The following TNS1 variants were observed in gnomAD, a reference collection of about 807,000 sequenced individuals.
TNS1 encodes the protein tensin 1, also known as tensin-1.
In TNS1, 62 loss-of-function variants were observed where a neutral mutation model predicts 168.6. The observed-to-expected ratio is 0.37, with a 90% CI of 0.30 to 0.45. The LOEUF (loss-of-function observed/expected upper bound fraction) is 0.45, where lower values mean the gene tolerates loss of function less well. Among genes scored for constraint, TNS1 ranks in the 20% least tolerant of loss-of-function variants. The pLI, the probability that TNS1 is intolerant of heterozygous loss-of-function variation, is 1.00. For synonymous variants in TNS1, 934 were observed against 933.2 expected, an observed-to-expected ratio of 1.00 and a Z score of -0.02; for missense variants, 2,240 against 2,339.4, an observed-to-expected ratio of 0.96 and a Z score of 0.88.
At position 217,813,724 on chromosome 2, in the gene TNS1, A is replaced by G. The variant is rs372210857; in HGVS notation, c.4822T>C (p.Ser1608Pro). Residue 1608 changes from serine to proline, a missense_variant, in exon 26 of 33, where the codon TCT becomes CCT. Physicochemically the swap from Ser to Pro is moderately conservative, Grantham distance 74. Coordinates refer to ENST00000682258, the MANE Select transcript of TNS1 (RefSeq NM_001387777.1). The surrounding 1 kb of genome is among the most constrained non-coding windows in gnomAD (Gnocchi z 4.0). ...TGCATGATGGTTGGAGGTGGCGAAG[A>G]CACCTTCATGGCCAGCCCGTACGCG... ...RGAYGLAMKV[S>P]SPPPTIMQQN... 111 of 1,613,406 alleles carry G rather than the reference A, an allele frequency of 6.9e-5. No individual in the cohort carries two copies. Among genetic ancestry groups the G allele is most frequent in the Non-Finnish European group, 1.4e-5 (17 of 1,179,692 alleles).
intron 19 of TNS1, among the ~76,000 whole-genome samples, chr2:217,845,153 G>A (rs1027054714): frequency 6.6e-6 from 1 of 152,224 alleles, no homozygotes; most frequent in Non-Finnish European, 1.5e-5. Flanking sequence ...CCAGGGACTT[G>A]AGACTGAGGT....
rs1293160895 is a variant in TNS1 at position 217,897,911 on chromosome 2, T to C, written c.430A>G (p.Thr144Ala). Residue 144 changes from threonine to alanine, a missense_variant, in exon 8 of 33, where the codon ACA (threonine) becomes GCA (alanine). Coordinates refer to ENST00000682258, the MANE Select transcript of TNS1 (RefSeq NM_001387777.1). ...DSCELDLVYV[T>A]ERIIAVSFPS... is the part of the protein sequence containing the mutation. ...AAGGAGACAGCGATGATCCTCTCTG[T>C]GACGTACACCAGGTCCAGCTCACAG... 1.2e-6 allele frequency: 2 copies of C among 1,613,434 alleles called. No individual in the cohort carries two copies. The highest frequency in any genetic ancestry group is 1.7e-5 in the Admixed American group (1 of 59,954).
chr2:218,031,054 A>G (rs60235262), intron 1 of TNS1, among the ~76,000 whole-genome samples: 82,985 of 149,682 alleles, frequency 0.55, 24,839 homozygotes, highest in African/African-American at 0.78. Flanking sequence ...GCATGTGAGC[A>G]TATGTGTGAG....
At chr2:217,847,096 T>C (rs1946753660) in intron 19 of TNS1, among the ~76,000 whole-genome samples, 2 of 152,196 alleles carry the variant, frequency 1.3e-5, no homozygotes, top group South Asian at 2.1e-4. Context: ...GTCTCCTCTG[T>C]GTCTAGAAAG....
rs543506075 is a variant in TNS1, at chr2:217,984,553, T to C, written c.149-5751A>G. Among the ~76,000 whole-genome samples, 10 of 152,262 alleles carry C rather than the reference T, an allele frequency of 6.6e-5. No individual in the cohort carries two copies. The South Asian group carries it at 1.9e-3, about 28-fold the overall frequency. The stretch of plus-strand genomic sequence containing the variant: ...CTCAAGCTGGAGTGCAGTCGTGTGC[T>C]CATAGCTCACTGCAGCCTCGACCTC... On this transcript the variant is annotated intron_variant, in intron 2 of 32. Transcript: ENST00000682258.
chr2:217,992,656 G>A (rs960194095), intron 1 of TNS1: 5 of 152,456 alleles, frequency 3.3e-5, no homozygotes, highest in African/African-American at 1.2e-4. Flanking sequence ...CAGAGAGAAA[G>A]AGAAAAGGAC....
At chr2:217,842,834 G>A (rs1946158945) in intron 19 of TNS1, among the ~76,000 whole-genome samples, 1 of 152,244 alleles carries the variant, frequency 6.6e-6, no homozygotes, top group African/African-American at 2.4e-5. Flanking sequence ...CGGGGCCTCT[G>A]CACTTGTTGC....
At chr2:217,900,401 G>C (rs780748110) in intron 7 of TNS1, 62 bp downstream of exon 7, 9 of 1,515,436 alleles carry the variant, frequency 5.9e-6, no homozygotes, top group Non-Finnish European at 7.1e-6. Context: ...GACTTAACAG[G>C]GACACCCACA....
At chr2:217,961,116 C>T (rs1957484660) in intron 3 of TNS1, among the ~76,000 whole-genome samples, 1 of 152,038 alleles carries the variant, frequency 6.6e-6, no homozygotes, top group African/African-American at 2.4e-5. Context: ...CCATCCTCCC[C>T]CAGCAGCCTA....
At chr2:217,898,555 T>A (rs972996233) in intron 7 of TNS1, among the ~76,000 whole-genome samples, 3 of 152,168 alleles carry the variant, frequency 2.0e-5, no homozygotes, top group African/African-American at 7.2e-5. Flanking sequence ...ACAGCACACA[T>A]TCCAGCCCTC....
chr2:217,809,264 G>C (rs1376715280), intron 30 of TNS1, among the ~76,000 whole-genome samples: 60 of 81,830 alleles, frequency 7.3e-4, no homozygotes, highest in Admixed American at 8.3e-4. Flanking sequence ...TGGATGGATG[G>C]ATGGATGGAT....
intron 3 of TNS1, among the ~76,000 whole-genome samples, chr2:217,953,135 G>C (rs747641212): frequency 3.3e-5 from 5 of 152,232 alleles, no homozygotes; most frequent in Non-Finnish European, 5.9e-5. Context: ...AGGAGGGAAA[G>C]AGCAGCTCGG....
chr2:217,931,463 G>A (rs983616539), intron 3 of TNS1, among the ~76,000 whole-genome samples: 19 of 152,320 alleles, frequency 1.2e-4, no homozygotes, highest in African/African-American at 4.1e-4. Flanking sequence ...GGACATGTGA[G>A]GGTAGGTGCG....
intron 3 of TNS1, chr2:217,937,120 T>C: frequency 2.3e-6 from 1 of 434,464 alleles, no homozygotes; most frequent in South Asian, 1.6e-5. Flanking sequence ...CTCTGCCAGC[T>C]CACATGAGCT....
intron 11 of TNS1, among the ~76,000 whole-genome samples, chr2:217,891,394 C>T (rs975441): frequency 0.14 from 21,451 of 152,088 alleles, 1,862 homozygotes; most frequent in East Asian, 0.4. Flanking sequence ...GTGATAATTG[C>T]CCCTTCCTCA....
At position 217,812,394 on chromosome 2, in the gene TNS1, G is replaced by A. The variant is rs957870794; in HGVS notation, c.5006C>T (p.Pro1669Leu). The stretch of plus-strand genomic sequence containing the variant: ...TCGGTTTGGAATGACCAGCTTGCAA[G>A]GCAGGGCCAATGGGATGATGGAGTG... ...YQHSIIPLAL[P>L]CKLVIPNRDP... The change falls in exon 28 of 33, where the codon CCT (proline) becomes CTT (leucine). Residue 1669 changes from proline (P) to leucine (L), a missense_variant. Physicochemically the swap from Pro to Leu is moderately conservative, Grantham distance 98. Around this residue, in one of 2 missense-constraint regions of TNS1, gnomAD observed 2,131 missense variants for 2,171.2 expected, o/e 0.98. Transcript: ENST00000682258. The A allele has an allele frequency of 6.2e-7, 1 of 1,614,030 alleles. No homozygotes were observed. The highest frequency in any genetic ancestry group is 1.3e-5 in the African/African-American group (1 of 74,908).
chr2:217,990,453 A>T (rs1958334567), intron 2 of TNS1, among the ~76,000 whole-genome samples: 1 of 148,358 alleles, frequency 6.7e-6, no homozygotes, highest in Non-Finnish European at 1.5e-5. Flanking sequence ...CACCAGCCAC[A>T]CACCCTTCAA....
chr2:217,944,379 G>T (rs530911773), intron 3 of TNS1, among the ~76,000 whole-genome samples: 1 of 152,126 alleles, frequency 6.6e-6, no homozygotes, highest in Admixed American at 6.5e-5. Context: ...GTGGGGAAGC[G>T]GGCAGGGAGG....
chr2:217,819,476 C>A (rs771375348), intron 23 of TNS1, among the ~76,000 whole-genome samples: 3 of 152,182 alleles, frequency 2.0e-5, no homozygotes, highest in African/African-American at 4.8e-5. Flanking sequence ...GAATTTCCTG[C>A]ATTGGGAGGT....
Sources: gnomAD v4.1 joint callset for allele counts (sites outside exome capture counted in the v4.1 genomes callset) on GRCh38, gnomAD v4.1.1 for gene constraint, gnomAD v4.1.1 regional missense constraint, Gnocchi (gnomAD v3.1) non-coding constraint, MANE v1.5 for transcripts, NCBI Gene and HGNC (gene_info 2026-07-23, HGNC 2026-07-21) for gene names.